Variants in NHSL2 observed in about 807,000 individuals in gnomAD.
NHSL2 encodes NHS like 2.
Under a neutral mutation model 53.4 loss-of-function variants are expected in NHSL2, and 27 were observed. That is an observed-to-expected ratio of 0.51 (90% confidence interval 0.37 to 0.70). NHSL2 has a LOEUF of 0.70. Ranked by LOEUF, NHSL2 falls within the 30% of genes least tolerant of loss-of-function variation. The pLI is 0.00. For synonymous variants in NHSL2, 408 were observed against 404.1 expected (o/e 1.01, Z -0.12); for missense variants, 892 against 980.1 (o/e 0.91, Z 1.20).
chrX:72,121,521 T>G (rs2042181048), intron 1 of NHSL2, among the ~76,000 whole-genome samples: 1 of 111,947 alleles, frequency 8.9e-6, no homozygotes, highest in African/African-American at 3.3e-5. Flanking sequence ...AAACCAAGTG[T>G]GACCGCCTCA....
intron 1 of NHSL2, among the ~76,000 whole-genome samples, chrX:72,120,552 T>C (rs2042174118): frequency 1.8e-5 from 2 of 112,242 alleles, no homozygotes; most frequent in South Asian, 7.3e-4. Flanking sequence ...CCTCATTTAC[T>C]TCTGATTTTT....
chrX:71,912,952 G>T (rs1357972756), intron 1 of NHSL2, among the ~76,000 whole-genome samples: 1 of 111,907 alleles, frequency 8.9e-6, no homozygotes, highest in Non-Finnish European at 1.9e-5. Context: ...TCACCTTTGG[G>T]ACCTAACCCT....
In NHSL2 at chrX:72,140,485, G is replaced by C; in HGVS notation, c.2937G>C (p.Arg979Ser). 8.3e-7 allele frequency: 1 copy of C among 1,209,931 alleles called. No homozygotes were observed. The highest frequency in any genetic ancestry group is 1.1e-6 in the Non-Finnish European group (1 of 894,675). Residue 979 changes from arginine to serine, a missense_variant, in exon 6 of 8, where the codon AGG becomes AGC. Coordinates refer to ENST00000633930, the MANE Select transcript of NHSL2 (RefSeq NM_001013627.3). ...GSVEDEGPKV[R>S]VLPERISLQS... ...TAGAGGACGAGGGCCCCAAGGTGAG[G>C]GTTCTGCCTGAAAGAATTAGCCTCC...
intron 1 of NHSL2, among the ~76,000 whole-genome samples, chrX:71,919,721 C>T (rs2041647399): frequency 9.0e-6 from 1 of 111,320 alleles, no homozygotes; most frequent in Non-Finnish European, 1.9e-5. Flanking sequence ...GGAACTGAAG[C>T]TGAGGCACCA....
chrX:72,103,992 AC>A (rs1279026718), intron 1 of NHSL2, among the ~76,000 whole-genome samples: 2 of 113,126 alleles, frequency 1.8e-5, no homozygotes, highest in South Asian at 3.6e-4. Context: ...TCCCCATAGC[AC>A]AGAAGTGCTT....
At chrX:71,979,096 C>T (rs1419721785) in intron 1 of NHSL2, among the ~76,000 whole-genome samples, 2 of 110,519 alleles carry the variant, frequency 1.8e-5, no homozygotes, top group African/African-American at 6.6e-5. Context: ...TCAACTCGTC[C>T]TTTTTATGGC....
chrX:71,928,518 A>G (rs1357124816), intron 1 of NHSL2, among the ~76,000 whole-genome samples: 1 of 112,262 alleles, frequency 8.9e-6, no homozygotes, highest in Non-Finnish European at 1.9e-5. Context: ...CTTGATGGAC[A>G]TACAGAGTGT....
At chrX:72,092,576 C>T (rs1181335128) in intron 1 of NHSL2, among the ~76,000 whole-genome samples, 3 of 111,516 alleles carry the variant, frequency 2.7e-5, no homozygotes, top group South Asian at 3.7e-4. Context: ...GAACAGTGCC[C>T]GGCACAGAGT....
chrX:71,925,208 G>A (rs1454613593), intron 1 of NHSL2, among the ~76,000 whole-genome samples: 1 of 111,668 alleles, frequency 9.0e-6, no homozygotes, highest in African/African-American at 3.3e-5. Context: ...TTGACTCCTA[G>A]ATATTTTGCC....
chrX:72,116,640 G>A lies in NHSL2; in HGVS notation c.281-15439G>A, dbSNP rs751147249. 3.1e-4 allele frequency among the ~76,000 whole-genome samples: 35 copies of A among 111,964 alleles called. 1 individual carries two copies. Among genetic ancestry groups the A allele is most frequent in the Middle Eastern group, 4.6e-3 (1 of 219 alleles). On this transcript the variant is annotated intron_variant, in intron 1 of 7. Transcript: ENST00000633930. ...CCCCACTCCACTCAGGGGCAGGGGC[G>A]TGGTTCTGGGCTCATCAGGTTACAC... is the stretch of plus-strand genomic sequence containing the variant.
intron 1 of NHSL2, among the ~76,000 whole-genome samples, chrX:72,036,830 A>G (rs2042243857): frequency 9.1e-6 from 1 of 110,337 alleles, no homozygotes; most frequent in African/African-American, 3.3e-5. Flanking sequence ...TATAATTTCC[A>G]GTGTGTTCTT....
intron 1 of NHSL2, among the ~76,000 whole-genome samples, chrX:71,939,327 A>G (rs2041754904): frequency 8.9e-6 from 1 of 112,244 alleles, no homozygotes; most frequent in Non-Finnish European, 1.9e-5. Flanking sequence ...ATAGTTGGCC[A>G]TTCAGATCAC....
chrX:72,132,206 G>T lies in NHSL2; in HGVS notation c.408G>T (p.Ala136=), dbSNP rs754491795. The stretch of plus-strand genomic sequence containing the variant: ...GTGTAGAGGAGCTGCTTCGGGAGGC[G>T]CAGCTCAATCTCCAGAGCCTGTTGC... ...PPSVEELLRE[A]QLNLQSLLQE... Residue 136 remains alanine, a synonymous_variant, in exon 2 of 8, where the codon GCG becomes GCT. Transcript: ENST00000633930. The T allele has an allele frequency of 1.7e-6, 2 of 1,162,924 alleles. No homozygotes were observed. Among genetic ancestry groups the T allele is most frequent in the Non-Finnish European group, 2.3e-6 (2 of 871,060 alleles).
At chrX:72,086,846 C>G (rs748405219) in intron 1 of NHSL2, among the ~76,000 whole-genome samples, 1 of 111,540 alleles carries the variant, frequency 9.0e-6, no homozygotes, top group South Asian at 3.7e-4. Context: ...AAAAAAGATA[C>G]GAGAGTTAAA....
At chrX:71,990,462 C>T in intron 1 of NHSL2, among the ~76,000 whole-genome samples, 1 of 111,242 alleles carries the variant, frequency 9.0e-6, no homozygotes, top group Non-Finnish European at 1.9e-5. Context: ...TAGGAGTCAT[C>T]TTCATTCTAC....
In NHSL2 at chrX:72,140,039, G is replaced by A. The variant is rs1177115030; in HGVS notation, c.2491G>A (p.Val831Ile). 1.7e-6 allele frequency: 2 copies of A among 1,209,831 alleles called. No homozygotes were observed. The highest frequency in any genetic ancestry group is 2.2e-5 in the Admixed American group (1 of 45,909). Residue 831 changes from valine (V) to isoleucine (I), a missense_variant, in exon 6 of 8, where the codon GTT becomes ATT. Val to Ile is a conservative substitution (Grantham distance 29). Transcript: ENST00000633930. ...PMVTQSDLRS[V>I]RLRSVSKSEP... The stretch of plus-strand genomic sequence containing the variant: ...GGTTACTCAGTCCGACCTACGTTCT[G>A]TTCGCCTGAGGTCGGTCAGCAAGTC...
chrX:72,130,628 C>T, intron 1 of NHSL2: 1 of 1,211,770 alleles, frequency 8.3e-7, no homozygotes, highest in Non-Finnish European at 1.1e-6. Context: ...TCTATCTCCA[C>T]ACATTCGAGA....
chrX:71,919,875 T>C lies in NHSL2; in HGVS notation c.280+8508T>C, dbSNP rs5991873. On this transcript the variant is annotated intron_variant, in intron 1 of 7. Coordinates refer to ENST00000633930, the MANE Select transcript of NHSL2 (RefSeq NM_001013627.3). ...GGATGCAAGCCGCATAGCCAGGCAG[T>C]GTCCCCTGCCTTTGGGCAGAGCTCT... Among the ~76,000 whole-genome samples, 294 of 112,811 alleles carry C rather than the reference T, an allele frequency of 2.6e-3. 2 individuals are homozygous for C. Among genetic ancestry groups the C allele is most frequent in the African/African-American group, 9.1e-3 (282 of 31,139 alleles).
At chrX:71,951,168 G>C in intron 1 of NHSL2, among the ~76,000 whole-genome samples, 1 of 111,468 alleles carries the variant, frequency 9.0e-6, no homozygotes, top group Non-Finnish European at 1.9e-5. Flanking sequence ...CTCCAACTCT[G>C]TGTGTCTAAA....
Sources: gnomAD v4.1 joint callset for allele counts (sites outside exome capture counted in the v4.1 genomes callset) on GRCh38, gnomAD v4.1.1 for gene constraint, MANE v1.5 for transcripts, NCBI Gene and HGNC (gene_info 2026-07-23, HGNC 2026-07-21) for gene names.